The following INSYN2B variants were observed in gnomAD, a reference collection of about 807,000 sequenced individuals.
INSYN2B encodes the protein protein INSYN2B.
Under a neutral mutation model 41.2 loss-of-function variants are expected in INSYN2B, and 16 were observed. The ratio of observed to expected loss-of-function variants is 0.39; its 90% CI spans 0.26 to 0.59. The LOEUF (loss-of-function observed/expected upper bound fraction) is 0.59, where lower values mean the gene tolerates loss of function less well. Among genes scored for constraint, INSYN2B ranks in the 20% least tolerant of loss-of-function variants. The probability of loss-of-function intolerance (pLI) is 0.57; values close to 1 mark genes in which losing one functional copy is unlikely to be tolerated. For synonymous variants in INSYN2B, 245 were observed against 244.4 expected (o/e 1.00, Z -0.02); for missense variants, 608 against 646.4 (o/e 0.94, Z 0.64).
At chr5:169,937,744 G>T (rs1776055752) in intron 1 of INSYN2B, among the ~76,000 whole-genome samples, 1 of 152,144 alleles carries the variant, frequency 6.6e-6, no homozygotes, top group Admixed American at 6.5e-5. Flanking sequence ...CTGCTCTCCT[G>T]GCTGGCAAGC....
intron 1 of INSYN2B, among the ~76,000 whole-genome samples, chr5:169,936,034 A>G (rs1775977577): frequency 6.6e-6 from 1 of 152,188 alleles, no homozygotes; most frequent in African/African-American, 2.4e-5. Context: ...GGTGGGGGGA[A>G]CAACTGTAAA....
chr5:169,944,775 T>A (rs1776379548), intron 1 of INSYN2B, among the ~76,000 whole-genome samples: 2 of 152,204 alleles, frequency 1.3e-5, no homozygotes, highest in South Asian at 4.1e-4. Context: ...TAGAAGCACC[T>A]TGTGCTGTTG....
At position 169,883,923 on chromosome 5, in the gene INSYN2B, A is replaced by G; in HGVS notation, c.-25T>C. On this transcript the variant is annotated 5_prime_UTR_variant, in exon 2 of 4. Coordinates refer to ENST00000377365, the MANE Select transcript of INSYN2B (RefSeq NM_001129891.3). ...TTGAGCCTCAGTGGGAAGGATCAGG[A>G]CCATACACTTCTCCTAGGCACATCT... The G allele has an allele frequency of 6.8e-7, 1 of 1,464,736 alleles. No individual in the cohort carries two copies. Among genetic ancestry groups the G allele is most frequent in the African/African-American group, 1.4e-5 (1 of 70,216 alleles). The allele number at this position is 1,464,736 out of a possible 1,614,324, so 90.7% of individuals were successfully genotyped here.
intron 1 of INSYN2B, among the ~76,000 whole-genome samples, chr5:169,903,621 T>C (rs868319994): frequency 6.6e-6 from 1 of 151,882 alleles, no homozygotes; most frequent in Non-Finnish European, 1.5e-5. Context: ...CCTCCAAGTA[T>C]GGAGATAAGA....
At chr5:169,901,380 A>G (rs749293448) in intron 1 of INSYN2B, among the ~76,000 whole-genome samples, 14 of 152,134 alleles carry the variant, frequency 9.2e-5, no homozygotes, top group Non-Finnish European at 2.1e-4. Flanking sequence ...CTTTTGGTTG[A>G]TTTTTGAAAA....
rs549757578 is a variant in INSYN2B, at chr5:169,950,883, A to T, written c.-919+29394T>A. ...CAAACACTGGCAGCCCACGGGGCAGATGTGGCCTGTGATGTTTTGACTGGT... is the reference window on the plus strand; with the variant it reads ...CAAACACTGGCAGCCCACGGGGCAGTTGTGGCCTGTGATGTTTTGACTGGT... On this transcript the variant is annotated intron_variant, in intron 1 of 3. Coordinates refer to ENST00000377365, the MANE Select transcript of INSYN2B (RefSeq NM_001129891.3). Among the ~76,000 whole-genome samples the T allele has an allele frequency of 1.1e-3, 162 of 152,354 alleles. 1 individual carries two copies. The highest frequency in any genetic ancestry group is 3.8e-3 in the African/African-American group (158 of 41,582).
chr5:169,889,501 G>T (rs892264680), intron 1 of INSYN2B, among the ~76,000 whole-genome samples: 12 of 152,196 alleles, frequency 7.9e-5, no homozygotes, highest in African/African-American at 2.9e-4. Context: ...ACAAAACGTT[G>T]TACAGGGTAG....
rs1355818869 is a variant in INSYN2B, at chr5:169,882,840, C to T, written c.1059G>A (p.Gly353=). 6.4e-7 allele frequency: 1 copy of T among 1,551,056 alleles called. No homozygotes were observed. The highest frequency in any genetic ancestry group is 1.2e-5 in the South Asian group (1 of 84,038). The change falls in exon 2 of 4, where the codon GGG becomes GGA. Residue 353 remains glycine, a synonymous_variant. Coordinates refer to ENST00000377365, the MANE Select transcript of INSYN2B (RefSeq NM_001129891.3). ...KTNSASKSAP[G]CQEQTANNPT... is the part of the protein sequence containing the mutation. The stretch of plus-strand genomic sequence containing the variant: ...GGTTGTTTGCCGTCTGCTCCTGACA[C>T]CCAGGGGCAGATTTCGATGCACTGT...
intron 1 of INSYN2B, among the ~76,000 whole-genome samples, chr5:169,894,032 A>G (rs1459646705): frequency 6.6e-6 from 1 of 152,166 alleles, no homozygotes; most frequent in Non-Finnish European, 1.5e-5. Flanking sequence ...AGTCACACAC[A>G]TTTGGCTGAT....
At position 169,889,101 on chromosome 5, in the gene INSYN2B, G is replaced by A. The variant is rs371096901; in HGVS notation, c.-918-4285C>T. Among the ~76,000 whole-genome samples the A allele has an allele frequency of 4.5e-4, 69 of 152,274 alleles. 1 individual carries two copies. The East Asian group carries it at 9.8e-3, about 22-fold the overall frequency. On this transcript the variant is annotated intron_variant, in intron 1 of 3. Coordinates refer to ENST00000377365, the MANE Select transcript of INSYN2B (RefSeq NM_001129891.3). The stretch of plus-strand genomic sequence containing the variant: ...TACCCCTCCGCTTGACACAGAGAGG[G>A]TCTTATATAAACTCTTGTAAAACAA...
At chr5:169,917,947 T>C (rs898825323) in intron 1 of INSYN2B, among the ~76,000 whole-genome samples, 7 of 152,260 alleles carry the variant, frequency 4.6e-5, no homozygotes, top group Admixed American at 1.3e-4. Context: ...TTACAAACTA[T>C]CAAAACCAGG....
chr5:169,967,720 G>A (rs573948436), intron 1 of INSYN2B, among the ~76,000 whole-genome samples: 8 of 152,322 alleles, frequency 5.3e-5, no homozygotes, highest in East Asian at 3.9e-4. Context: ...CAGGGGGTGC[G>A]TTTAGGAGGC....
chr5:169,910,197 C>T (rs1490942760), intron 1 of INSYN2B, among the ~76,000 whole-genome samples: 1 of 152,132 alleles, frequency 6.6e-6, no homozygotes, highest in Non-Finnish European at 1.5e-5. Context: ...CAAGTCTGTC[C>T]ATTTGCAAAG....
Position 169,890,160 on chromosome 5 carries a change from A to G in INSYN2B, c.-918-5344T>C, listed in dbSNP as rs147133420. Among the ~76,000 whole-genome samples the G allele has an allele frequency of 9.6e-3, 1,464 of 152,334 alleles. 9 individuals are homozygous for G. Among genetic ancestry groups the G allele is most frequent in the Middle Eastern group, 0.017 (5 of 294 alleles). ...GCTGCCAGCCTCGGGGCTCTGGTGG[A>G]GACCCCGACTCTTCCTCCATTTAGC... On this transcript the variant is annotated intron_variant, in intron 1 of 3. Coordinates refer to ENST00000377365, the MANE Select transcript of INSYN2B (RefSeq NM_001129891.3).
chr5:169,925,578 T>TAAAAAA lies in INSYN2B; in HGVS notation c.-918-40763_-918-40762insTTTTTT, dbSNP rs1561828965. ...CTGGGCGACAGAGCAAGACTCTGTC[T>TAAAAAA]TAAAAAAAAAAAAAAAAAAAAAAAA... On this transcript the variant is annotated intron_variant, in intron 1 of 3. Coordinates refer to ENST00000377365, the MANE Select transcript of INSYN2B (RefSeq NM_001129891.3). Among the ~76,000 whole-genome samples, 11 of 32,318 alleles carry TAAAAAA rather than the reference T, an allele frequency of 3.4e-4. 4 individuals are homozygous for TAAAAAA. Among genetic ancestry groups the TAAAAAA allele is most frequent in the African/African-American group, 8.9e-4 (7 of 7,830 alleles). The allele number at this position is 32,318 out of a possible 152,430, so 21.2% of individuals were successfully genotyped here. A position where few individuals can be genotyped will look rare whatever the true frequency, so the allele number is the denominator to read the frequency against.
intron 1 of INSYN2B, among the ~76,000 whole-genome samples, chr5:169,972,448 G>C (rs567697117): frequency 6.6e-6 from 1 of 151,324 alleles, no homozygotes; most frequent in East Asian, 2.0e-4. Context: ...ATAGATGTCA[G>C]TAGCAACCTC....
At chr5:169,902,138 C>T (rs188942639) in intron 1 of INSYN2B, among the ~76,000 whole-genome samples, 7 of 152,230 alleles carry the variant, frequency 4.6e-5, no homozygotes, top group African/African-American at 1.7e-4. Flanking sequence ...ATCAGAAATA[C>T]CACAAAAACA....
intron 3 of INSYN2B, among the ~76,000 whole-genome samples, chr5:169,874,410 CA>C (rs34525811): frequency 0.33 from 23,806 of 71,400 alleles, 1,498 homozygotes; most frequent in African/African-American, 0.47. Flanking sequence ...GACTCTGTCT[CA>C]AAAAAAAAAA....
In INSYN2B at chr5:169,871,364, G is replaced by A. The variant is rs1206987528; in HGVS notation, c.1422-6905C>T. The stretch of plus-strand genomic sequence containing the variant: ...GGGCCACATTAGATTAGGATACATG[G>A]TAATTTAAATGGGCAAAAATAATAA... On this transcript the variant is annotated intron_variant, in intron 3 of 3. Transcript: ENST00000377365. Among the ~76,000 whole-genome samples, 3 of 152,116 alleles carry A rather than the reference G, an allele frequency of 2.0e-5. No homozygotes were observed. The East Asian group carries it at 5.8e-4, about 29-fold the overall frequency.
Sources: gnomAD v4.1 joint callset for allele counts (sites outside exome capture counted in the v4.1 genomes callset) on GRCh38, gnomAD v4.1.1 for gene constraint, MANE v1.5 for transcripts, NCBI Gene and HGNC (gene_info 2026-07-23, HGNC 2026-07-21) for gene names.